The following SLC39A11 variants were observed in gnomAD, a reference collection of about 807,000 sequenced individuals.
The protein encoded by SLC39A11 is zinc transporter ZIP11.
In SLC39A11, 33 loss-of-function variants were observed where a neutral mutation model predicts 36.1. The ratio of observed to expected loss-of-function variants is 0.91; its 90% CI spans 0.69 to 1.22. The LOEUF is 1.22. Ranked by LOEUF, SLC39A11 falls within the 50% of genes most tolerant of loss-of-function variation. The pLI is 0.00. For synonymous variants in SLC39A11, 166 were observed against 170.3 expected (o/e 0.97, Z 0.20); for missense variants, 432 against 430.3 (o/e 1.00, Z -0.03).
At chr17:72,776,219 G>A (rs547044286) in intron 6 of SLC39A11, among the ~76,000 whole-genome samples, 15 of 152,286 alleles carry the variant, frequency 9.8e-5, no homozygotes, top group Admixed American at 4.6e-4. Context: ...CTCACAGGTC[G>A]TTGCCTCCAT....
chr17:73,019,342 G>A (rs773386287), intron 4 of SLC39A11, among the ~76,000 whole-genome samples: 8 of 152,124 alleles, frequency 5.3e-5, no homozygotes, highest in Admixed American at 3.9e-4. Flanking sequence ...AAAGACAACC[G>A]ATTGTTAAAG....
At chr17:72,985,305 A>G (rs994607372) in intron 4 of SLC39A11, among the ~76,000 whole-genome samples, 61 of 151,592 alleles carry the variant, frequency 4.0e-4, no homozygotes, top group Admixed American at 1.7e-3. Flanking sequence ...TTTGCCCACA[A>G]CTTTGCTGAC....
At chr17:72,967,370 C>CAGAGAGAGAGAGAGAGAGAGAG (rs72044418) in intron 4 of SLC39A11, among the ~76,000 whole-genome samples, 466 of 109,876 alleles carry the variant, frequency 4.2e-3, no homozygotes, top group Non-Finnish European at 6.9e-3. Flanking sequence ...TAAGCATGCT[C>CAGAGAGAGAGAGAGAGAGAGAG]AGAGAGAGAG....
chr17:72,919,635 G>A (rs1054187348), intron 5 of SLC39A11, among the ~76,000 whole-genome samples: 1 of 142,318 alleles, frequency 7.0e-6, no homozygotes, highest in Non-Finnish European at 1.5e-5. Flanking sequence ...TCGTGCCACC[G>A]CACTCCAGAC....
In SLC39A11 at chr17:72,979,238, C is replaced by T. The variant is rs554017449; in HGVS notation, c.307-31363G>A. Among the ~76,000 whole-genome samples the T allele has an allele frequency of 1.1e-3, 166 of 152,236 alleles. 2 individuals carry two copies. Among genetic ancestry groups the T allele is most frequent in the Admixed American group, 2.6e-3 (40 of 15,274 alleles). On this transcript the variant is annotated intron_variant, in intron 4 of 9. Transcript: ENST00000255559. ...AAGCTACTTTTTCCCCTTCACCTTCCGCCATTATTGTAACTTTCCTGAGGG... is the reference window on the plus strand; with the variant it reads ...AAGCTACTTTTTCCCCTTCACCTTCTGCCATTATTGTAACTTTCCTGAGGG...
intron 6 of SLC39A11, among the ~76,000 whole-genome samples, chr17:72,769,441 C>T (rs73352939): frequency 0.017 from 2,647 of 152,240 alleles, 75 homozygotes; most frequent in African/African-American, 0.059. Flanking sequence ...ATCTTGGGCC[C>T]CCAAATCGTT....
intron 4 of SLC39A11, among the ~76,000 whole-genome samples, chr17:72,972,998 G>A (rs578214514): frequency 6.6e-6 from 1 of 151,884 alleles, no homozygotes; most frequent in East Asian, 2.0e-4. Flanking sequence ...CTTCAACCGA[G>A]CTCCTGGACA....
At chr17:72,758,641 G>A (rs2075452221) in intron 6 of SLC39A11, among the ~76,000 whole-genome samples, 1 of 152,150 alleles carries the variant, frequency 6.6e-6, no homozygotes, top group Admixed American at 6.5e-5. Context: ...CGGGTGGGAT[G>A]CTTGGAACCA....
intron 6 of SLC39A11, among the ~76,000 whole-genome samples, chr17:72,751,298 A>G (rs905762939): frequency 2.6e-5 from 4 of 152,172 alleles, no homozygotes; most frequent in Admixed American, 6.5e-5. Flanking sequence ...ATGATTATAT[A>G]ATCAGGTTGC....
At chr17:73,056,377 C>T (rs925916062) in intron 3 of SLC39A11, among the ~76,000 whole-genome samples, 1 of 152,138 alleles carries the variant, frequency 6.6e-6, no homozygotes, top group South Asian at 2.1e-4. Flanking sequence ...CCATGTTGGC[C>T]AGGCTGGTCT....
intron 6 of SLC39A11, among the ~76,000 whole-genome samples, chr17:72,770,448 T>C (rs2075893688): frequency 6.6e-6 from 1 of 152,256 alleles, no homozygotes; most frequent in African/African-American, 2.4e-5. Context: ...GAGGACACTT[T>C]TGGCTCATGG....
chr17:72,827,693 T>C (rs546830490), intron 6 of SLC39A11, among the ~76,000 whole-genome samples: 7 of 152,208 alleles, frequency 4.6e-5, no homozygotes, highest in Non-Finnish European at 8.8e-5. Flanking sequence ...CATCTCATTC[T>C]CACCCTTGGA....
In SLC39A11 at chr17:72,822,163, T is replaced by C. The variant is rs777715529; in HGVS notation, c.601+27471A>G. ...ATGTCTTTGTCAGAGTAGGAGACAA[T>C]ATGAAAAAGAGTACTCATATATGTA... On this transcript the variant is annotated intron_variant, in intron 6 of 9. Transcript: ENST00000255559. 5 of 150,766 alleles carry C rather than the reference T, an allele frequency of 3.3e-5. 1 individual carries two copies. The highest frequency in any genetic ancestry group is 4.8e-5 in the African/African-American group (2 of 41,372). 9.3% of individuals were successfully genotyped at this position (150,766 alleles called of 1,614,324 possible).
chr17:72,857,103 T>C (rs941036353), intron 5 of SLC39A11, among the ~76,000 whole-genome samples: 3 of 152,174 alleles, frequency 2.0e-5, no homozygotes, highest in South Asian at 2.1e-4. Flanking sequence ...TAGTACCCAA[T>C]AGTTACTTTT....
At chr17:73,021,768 TACA>T (rs1476240198) in intron 4 of SLC39A11, among the ~76,000 whole-genome samples, 1 of 152,206 alleles carries the variant, frequency 6.6e-6, no homozygotes, top group Non-Finnish European at 1.5e-5. Flanking sequence ...GGTATCCAGT[TACA>T]ACTTTATGGC....
intron 7 of SLC39A11, among the ~76,000 whole-genome samples, chr17:72,716,569 G>GAAA (rs11377152): frequency 2.7e-5 from 4 of 148,244 alleles, no homozygotes; most frequent in Middle Eastern, 6.9e-3. Flanking sequence ...AGAGTATAAG[G>GAAA]AAAAAAAAAA....
chr17:72,736,261 G>A (rs1320276747), intron 7 of SLC39A11, among the ~76,000 whole-genome samples: 1 of 152,162 alleles, frequency 6.6e-6, no homozygotes, highest in Admixed American at 6.5e-5. Flanking sequence ...GGTGGAAAGA[G>A]AGAGGGAAAC....
At position 72,944,510 on chromosome 17, in the gene SLC39A11, A is replaced by C. The variant is rs889032930; in HGVS notation, c.430+3242T>G. On this transcript the variant is annotated intron_variant, in intron 5 of 9. Transcript: ENST00000255559. ...GCCATCTGGGGTGTGATGAAATATA[A>C]CTTATAGTCCCTTGCCTTTCAAACA... is the stretch of plus-strand genomic sequence containing the variant. Among the ~76,000 whole-genome samples, 3 of 151,116 alleles carry C rather than the reference A, an allele frequency of 2.0e-5. No homozygotes were observed. The Admixed American group carries it at 2.0e-4, about 10-fold the overall frequency.
chr17:73,008,417 C>T (rs1231362224), intron 4 of SLC39A11, among the ~76,000 whole-genome samples: 1 of 152,124 alleles, frequency 6.6e-6, no homozygotes, highest in African/African-American at 2.4e-5. Context: ...CTGACCAGGC[C>T]GCTCCCTCTG....
Sources: gnomAD v4.1 joint callset for allele counts (sites outside exome capture counted in the v4.1 genomes callset) on GRCh38, gnomAD v4.1.1 for gene constraint, MANE v1.5 for transcripts, NCBI Gene and HGNC (gene_info 2026-07-23, HGNC 2026-07-21) for gene names.